AMOTL1: variants seen among roughly 807,000 people sequenced by gnomAD.
The protein encoded by AMOTL1 is angiomotin-like protein 1.
Under a neutral mutation model 102.9 loss-of-function variants are expected in AMOTL1, and 45 were observed. The ratio of observed to expected loss-of-function variants is 0.44; its 90% confidence interval spans 0.34 to 0.56. AMOTL1 has a LOEUF of 0.56. AMOTL1 is among the 20% of genes least tolerant of loss of function. The pLI, the probability that AMOTL1 is intolerant of heterozygous loss-of-function variation, is 0.01. For missense variants in AMOTL1, 1,114 were observed against 1,225.6 expected, an observed-to-expected ratio of 0.91 and a Z score of 1.36; for synonymous variants, 481 against 484.7, an observed-to-expected ratio of 0.99 and a Z score of 0.10.
intron 8 of AMOTL1, among the ~76,000 whole-genome samples, chr11:94,857,646 C>T (rs949279993): frequency 3.3e-5 from 5 of 152,190 alleles, no homozygotes; most frequent in Non-Finnish European, 7.4e-5. Flanking sequence ...AATTAATTTT[C>T]GTGTCTTACT....
intron 1 of AMOTL1, among the ~76,000 whole-genome samples, chr11:94,726,816 G>A (rs1338279519): frequency 1.3e-5 from 2 of 152,152 alleles, no homozygotes. Context: ...AAAGGGAGGT[G>A]TTGGAATTTC....
intron 1 of AMOTL1, among the ~76,000 whole-genome samples, chr11:94,778,605 G>A (rs1951061269): frequency 6.6e-6 from 1 of 152,228 alleles, no homozygotes; most frequent in Admixed American, 6.5e-5. Context: ...TGACACATTG[G>A]AAGAGTTAAG....
intron 1 of AMOTL1, among the ~76,000 whole-genome samples, chr11:94,707,171 T>C (rs1384840517): frequency 1.3e-5 from 2 of 150,906 alleles, no homozygotes; most frequent in African/African-American, 4.9e-5. Flanking sequence ...AAACATATCT[T>C]AGTGCCTGAC....
chr11:94,835,091 C>G (rs919977351), intron 6 of AMOTL1, among the ~76,000 whole-genome samples: 3 of 152,130 alleles, frequency 2.0e-5, no homozygotes, highest in Non-Finnish European at 4.4e-5. Context: ...ATTTTTTTCC[C>G]CTGTCACTTC....
intron 3 of AMOTL1, among the ~76,000 whole-genome samples, chr11:94,818,377 G>C (rs190507298): frequency 2.0e-5 from 3 of 152,342 alleles, no homozygotes; most frequent in African/African-American, 7.2e-5. Flanking sequence ...CACCCAATTA[G>C]TACAGGTATT....
At position 94,875,367 on chromosome 11, in the gene AMOTL1, A is replaced by G. The variant is rs143732382; in HGVS notation, c.*4572A>G. 21 of 152,346 alleles carry G rather than the reference A, an allele frequency of 1.4e-4. No homozygotes were observed. The East Asian group carries it at 3.7e-3, about 27-fold the overall frequency. The allele number at this position is 152,346 out of a possible 1,614,324, so 9.4% of individuals were successfully genotyped here. A position where few individuals can be genotyped will look rare whatever the true frequency, so the allele number is the denominator to read the frequency against. ...TTTTCTCACTTAGTAATTTAATGGT[A>G]TATAAAGACATGTGTATAAGTGAGT... On this transcript the variant is annotated 3_prime_UTR_variant, in exon 13 of 13. Coordinates refer to ENST00000433060, the MANE Select transcript of AMOTL1 (RefSeq NM_130847.3).
chr11:94,850,042 T>C lies in AMOTL1; in HGVS notation c.1649-72T>C, dbSNP rs745541538. The C allele has an allele frequency of 1.4e-4, 211 of 1,460,632 alleles. 1 individual carries two copies. The highest frequency in any genetic ancestry group is 1.7e-4 in the Non-Finnish European group (185 of 1,089,748). The allele number at this position is 1,460,632 out of a possible 1,614,324, so 90.5% of individuals were successfully genotyped here. On this transcript the variant is annotated intron_variant, in intron 6 of 12. Coordinates refer to ENST00000433060, the MANE Select transcript of AMOTL1 (RefSeq NM_130847.3). ...TTTTTTATTTTTAATCCTTGCCAGA[T>C]GTCGACTGGCCGTGAGCCCAGAGGG...
chr11:94,864,392 T>C (rs920227189), intron 9 of AMOTL1, among the ~76,000 whole-genome samples: 3 of 152,144 alleles, frequency 2.0e-5, no homozygotes, highest in Non-Finnish European at 4.4e-5. Flanking sequence ...GATTTTTGAA[T>C]TTTATTTTGT....
chr11:94,867,439 G>A (rs190884497), intron 11 of AMOTL1, among the ~76,000 whole-genome samples: 3 of 152,276 alleles, frequency 2.0e-5, no homozygotes, highest in East Asian at 1.9e-4. Flanking sequence ...TGTTTGTGAC[G>A]TGCAGCCAGG....
chr11:94,785,245 T>TG (rs1476755792), intron 1 of AMOTL1, among the ~76,000 whole-genome samples: 5 of 151,960 alleles, frequency 3.3e-5, no homozygotes, highest in East Asian at 1.9e-4. Flanking sequence ...AGAAATTTGG[T>TG]GGGAAAAAAA....
At chr11:94,832,586 G>A (rs1294353229) in intron 6 of AMOTL1, among the ~76,000 whole-genome samples, 1 of 152,134 alleles carries the variant, frequency 6.6e-6, no homozygotes, top group Non-Finnish European at 1.5e-5. Context: ...ATTCCTTTGT[G>A]GTCTCAGATG....
At chr11:94,775,165 T>C (rs1362526243) in intron 1 of AMOTL1, among the ~76,000 whole-genome samples, 2 of 152,254 alleles carry the variant, frequency 1.3e-5, no homozygotes, top group Non-Finnish European at 2.9e-5. Flanking sequence ...TTAAAATTAT[T>C]TTCTGCATCA....
At chr11:94,713,981 G>C (rs1238411155) in intron 1 of AMOTL1, among the ~76,000 whole-genome samples, 1 of 151,986 alleles carries the variant, frequency 6.6e-6, no homozygotes. Flanking sequence ...CAAAGGAAAA[G>C]CATTCAGTCT....
intron 6 of AMOTL1, among the ~76,000 whole-genome samples, chr11:94,831,770 TTC>T (rs1174343308): frequency 6.6e-6 from 1 of 151,434 alleles, no homozygotes; most frequent in East Asian, 1.9e-4. Flanking sequence ...GACCTACAGT[TTC>T]TCTCTCTCTC....
chr11:94,714,798 A>G (rs919557812), intron 1 of AMOTL1, among the ~76,000 whole-genome samples: 3 of 151,820 alleles, frequency 2.0e-5, no homozygotes, highest in African/African-American at 7.3e-5. Context: ...AATTATATCA[A>G]TTTTTTCCAC....
At chr11:94,788,964 G>C (rs992391555) in intron 1 of AMOTL1, among the ~76,000 whole-genome samples, 1 of 152,132 alleles carries the variant, frequency 6.6e-6, no homozygotes, top group African/African-American at 2.4e-5. Flanking sequence ...CCAGGGTTTA[G>C]AATTCAAGTT....
intron 3 of AMOTL1, among the ~76,000 whole-genome samples, chr11:94,803,470 A>G (rs1565359038): frequency 1.3e-5 from 2 of 152,178 alleles, no homozygotes; most frequent in African/African-American, 2.4e-5. Context: ...TGTGTTGGCT[A>G]GGGATGAAGG....
intron 3 of AMOTL1, among the ~76,000 whole-genome samples, chr11:94,807,076 A>T (rs2135587801): frequency 1.3e-5 from 2 of 152,348 alleles, no homozygotes; most frequent in South Asian, 4.1e-4. Flanking sequence ...TGCCATAATA[A>T]CTGATTTTCT....
chr11:94,730,588 C>T (rs543357949), intron 2 of AMOTL1, among the ~76,000 whole-genome samples: 1 of 152,240 alleles, frequency 6.6e-6, no homozygotes, highest in African/African-American at 2.4e-5. Context: ...AGACAGATGC[C>T]TTGTTTTATT....
Sources: allele counts gnomAD v4.1 joint callset (sites outside exome capture counted in the v4.1 genomes callset), GRCh38; gene constraint gnomAD v4.1.1; transcripts MANE v1.5; gene names NCBI Gene and HGNC (gene_info 2026-07-23, HGNC 2026-07-21).